The following AMMECR1 variants were observed in gnomAD, a reference collection of about 807,000 sequenced individuals.
The protein encoded by AMMECR1 is nuclear protein AMMECR1.
In AMMECR1, 3 loss-of-function variants were observed where a neutral mutation model predicts 22.5. The observed-to-expected ratio is 0.13, with a 90% confidence interval of 0.06 to 0.35. The LOEUF is 0.35. AMMECR1 is among the 10% of genes least tolerant of loss of function. The probability of loss-of-function intolerance (pLI) is 1.00; values close to 1 mark genes in which losing one functional copy is unlikely to be tolerated. For synonymous variants in AMMECR1, 130 were observed against 116.7 expected, an observed-to-expected ratio of 1.11 and a Z score of -0.74; for missense variants, 235 against 278.7, an observed-to-expected ratio of 0.84 and a Z score of 1.12.
intron 2 of AMMECR1, among the ~76,000 whole-genome samples, chrX:110,415,791 C>A (rs189095632): frequency 0.01 from 1,143 of 111,657 alleles, 6 homozygotes; most frequent in African/African-American, 0.021. Flanking sequence ...TTTTGTCCTG[C>A]AAAGTGACTT....
intron 2 of AMMECR1, among the ~76,000 whole-genome samples, chrX:110,354,646 A>G (rs1024252751): frequency 8.9e-6 from 1 of 112,138 alleles, no homozygotes; most frequent in Admixed American, 9.5e-5. Flanking sequence ...TTGCATAAAG[A>G]CAGACATATT....
intron 2 of AMMECR1, among the ~76,000 whole-genome samples, chrX:110,359,115 C>T (rs1258899668): frequency 1.8e-5 from 2 of 110,969 alleles, no homozygotes; most frequent in Non-Finnish European, 3.8e-5. Context: ...ATAACTTGTT[C>T]AAGGTCACAT....
chrX:110,424,710 G>C (rs1212023136), intron 2 of AMMECR1, among the ~76,000 whole-genome samples: 1 of 111,808 alleles, frequency 8.9e-6, no homozygotes, highest in Non-Finnish European at 1.9e-5. Flanking sequence ...ATTATAAGTA[G>C]TATATCAGAG....
intron 2 of AMMECR1, among the ~76,000 whole-genome samples, chrX:110,419,416 G>T (rs2068701760): frequency 1.8e-5 from 2 of 112,464 alleles, no homozygotes; most frequent in Non-Finnish European, 3.8e-5. Context: ...CCCACAGTTA[G>T]ATGCCTCCTG....
At chrX:110,366,463 T>C (rs562849655) in intron 2 of AMMECR1, among the ~76,000 whole-genome samples, 43 of 111,862 alleles carry the variant, frequency 3.8e-4, no homozygotes, top group Middle Eastern at 9.2e-3. Flanking sequence ...ATGAGAACAC[T>C]ACTCCAAAAT....
At chrX:110,311,043 T>C in intron 1 of AMMECR1, among the ~76,000 whole-genome samples, 1 of 112,342 alleles carries the variant, frequency 8.9e-6, no homozygotes, top group East Asian at 2.8e-4. Flanking sequence ...TGAAGTTTTA[T>C]GATCTTAGAG....
chrX:110,239,831 C>T (rs1359943035), intron 2 of AMMECR1, among the ~76,000 whole-genome samples: 1 of 111,771 alleles, frequency 8.9e-6, no homozygotes, highest in Non-Finnish European at 1.9e-5. Context: ...CAAAGGGAAG[C>T]CCATCAGACT....
At chrX:110,202,662 T>TA in intron 3 of AMMECR1, 126 bp from the exon 4 acceptor site, 1 of 451,915 alleles carries the variant, frequency 2.2e-6, no homozygotes, top group South Asian at 4.4e-5. Flanking sequence ...ACGTATAAGT[T>TA]TTCTCTTTCC....
At chrX:110,304,214 C>T (rs745745403) in intron 1 of AMMECR1, among the ~76,000 whole-genome samples, 2 of 111,830 alleles carry the variant, frequency 1.8e-5, no homozygotes, top group East Asian at 5.6e-4. Context: ...AAGGAACATT[C>T]CCATTAGCCT....
chrX:110,413,883 C>T (rs1267878150), intron 2 of AMMECR1, among the ~76,000 whole-genome samples: 2 of 111,560 alleles, frequency 1.8e-5, no homozygotes, highest in Non-Finnish European at 3.8e-5. Context: ...TACTACCCAT[C>T]TTATGACATC....
intron 1 of AMMECR1, among the ~76,000 whole-genome samples, chrX:110,290,069 A>G (rs1008107267): frequency 8.9e-6 from 1 of 111,965 alleles, no homozygotes; most frequent in African/African-American, 3.2e-5. Context: ...ATTACAATGT[A>G]ATATCCTATA....
chrX:110,334,640 TTTTC>T (rs201932033), intron 2 of AMMECR1, among the ~76,000 whole-genome samples: 1,399 of 112,287 alleles, frequency 0.012, 20 homozygotes, highest in African/African-American at 0.041. Context: ...TTTCCTTAGC[TTTTC>T]TTTAATTTTC....
At chrX:110,440,188 G>T (rs975227394) in exon 1 of AMMECR1, 11 of 110,783 alleles carry the variant, frequency 9.9e-5, no homozygotes, top group African/African-American at 3.6e-4. Flanking sequence ...ATGGGATTAG[G>T]TTGGCAGGAG....
chrX:110,297,725 G>T (rs142898562), intron 1 of AMMECR1, among the ~76,000 whole-genome samples: 177 of 111,518 alleles, frequency 1.6e-3, no homozygotes, highest in African/African-American at 5.1e-3. Flanking sequence ...TAGATTTTCT[G>T]AAGTCCTTAC....
chrX:110,330,953 A>G (rs1398225342), intron 2 of AMMECR1, among the ~76,000 whole-genome samples: 2 of 110,879 alleles, frequency 1.8e-5, no homozygotes, highest in African/African-American at 6.6e-5. Context: ...TGCCCCTACT[A>G]CTGCTCCAAC....
intron 1 of AMMECR1, among the ~76,000 whole-genome samples, chrX:110,292,019 T>C (rs1405051166): frequency 8.9e-6 from 1 of 112,437 alleles, no homozygotes; most frequent in Non-Finnish European, 1.9e-5. Context: ...GTCTAGTTGA[T>C]TACATTGTGA....
At chrX:110,349,988 C>CA (rs1240561973) in intron 2 of AMMECR1, among the ~76,000 whole-genome samples, 1 of 112,047 alleles carries the variant, frequency 8.9e-6, no homozygotes, top group African/African-American at 3.2e-5. Context: ...CGGTAGAACA[C>CA]AGACTTAATC....
chrX:110,342,945 C>A (rs975689691), intron 2 of AMMECR1, among the ~76,000 whole-genome samples: 7 of 111,550 alleles, frequency 6.3e-5, no homozygotes, highest in African/African-American at 2.0e-4. Flanking sequence ...CCTTCTGAAA[C>A]TATTCCAATC....
intron 2 of AMMECR1, among the ~76,000 whole-genome samples, chrX:110,409,959 C>T (rs766118211): frequency 8.9e-6 from 1 of 112,186 alleles, no homozygotes; most frequent in East Asian, 2.8e-4. Flanking sequence ...TGTTGAAATA[C>T]AGATGCAGTG....
Sources: allele counts gnomAD v4.1 joint callset (sites outside exome capture counted in the v4.1 genomes callset), GRCh38; gene constraint gnomAD v4.1.1; transcripts MANE v1.5; gene names NCBI Gene and HGNC (gene_info 2026-07-23, HGNC 2026-07-21).